OSBPL10: variants seen among roughly 807,000 people sequenced by gnomAD.
OSBPL10 encodes the protein oxysterol-binding protein-related protein 10.
OSBPL10 carries 49 observed loss-of-function variants against 81.7 expected under a neutral mutation model. That is an observed-to-expected ratio of 0.60 (90% CI 0.48 to 0.76). The LOEUF (loss-of-function observed/expected upper bound fraction) is 0.76. Among genes scored for constraint, OSBPL10 ranks in the 30% least tolerant of loss-of-function variants. The pLI, the probability that OSBPL10 is intolerant of heterozygous loss-of-function variation, is 0.00. For missense variants in OSBPL10, 923 were observed against 987.8 expected, an observed-to-expected ratio of 0.93 and a Z score of 0.88; for synonymous variants, 419 against 383.6, an observed-to-expected ratio of 1.09 and a Z score of -1.08.
At chr3:32,044,247 G>A (rs189022227) in intron 2 of OSBPL10, among the ~76,000 whole-genome samples, 208 of 151,770 alleles carry the variant, frequency 1.4e-3, no homozygotes, top group Middle Eastern at 0.01. Context: ...GGCTATTCAG[G>A]TTAAATTTTG....
At chr3:31,758,987 G>T (rs1697960169) in intron 4 of OSBPL10, among the ~76,000 whole-genome samples, 1 of 152,032 alleles carries the variant, frequency 6.6e-6, no homozygotes, top group Admixed American at 6.6e-5. Context: ...TCCAAATTAT[G>T]AACCTCATCA....
At chr3:31,879,936 C>G in intron 1 of OSBPL10, 106 bp from the exon 2 acceptor site, 1 of 1,226,334 alleles carries the variant, frequency 8.2e-7, no homozygotes, top group Non-Finnish European at 1.1e-6. Flanking sequence ...GACTCCACAT[C>G]CATGAAGCTG....
Position 31,759,929 on chromosome 3 carries a change from T to C in OSBPL10, c.730-11809A>G, listed in dbSNP as rs577419301. ...CATACACCACAACACCTGGCTAATT[T>C]TTTTGTATTTTTAGTAGAGACAGGG... is the stretch of plus-strand genomic sequence containing the variant. On this transcript the variant is annotated intron_variant, in intron 4 of 11. Transcript: ENST00000396556. Among the ~76,000 whole-genome samples, 3 of 152,172 alleles carry C rather than the reference T, an allele frequency of 2.0e-5. No homozygotes were observed. The East Asian group carries it at 5.8e-4, about 29-fold the overall frequency.
chr3:32,073,958 T>C (rs763653106), intron 1 of OSBPL10, among the ~76,000 whole-genome samples: 25 of 152,152 alleles, frequency 1.6e-4, no homozygotes, highest in Non-Finnish European at 3.1e-4. Context: ...CCCATTCTTA[T>C]GCCACTCTCT....
intron 2 of OSBPL10, among the ~76,000 whole-genome samples, chr3:32,006,335 ATTTAC>A (rs1191793675): frequency 6.6e-6 from 1 of 152,060 alleles, no homozygotes; most frequent in Non-Finnish European, 1.5e-5. Context: ...TTTCTGTTGG[ATTTAC>A]TTTAGATATT....
chr3:31,735,094 A>T (rs567655205), intron 5 of OSBPL10, among the ~76,000 whole-genome samples: 2 of 152,162 alleles, frequency 1.3e-5, no homozygotes, highest in African/African-American at 4.8e-5. Context: ...TTTATGCAAA[A>T]ATCCTTTTTT....
intron 2 of OSBPL10, among the ~76,000 whole-genome samples, chr3:32,042,147 A>G (rs1239112720): frequency 2.6e-5 from 4 of 152,174 alleles, no homozygotes; most frequent in Admixed American, 6.5e-5. Flanking sequence ...GCCTCATACA[A>G]TAATAGCCAG....
chr3:31,777,458 T>G (rs962092915), intron 4 of OSBPL10, among the ~76,000 whole-genome samples: 2 of 152,212 alleles, frequency 1.3e-5, no homozygotes, highest in Middle Eastern at 3.2e-3. Flanking sequence ...TCCCTTTCTC[T>G]GCAAGAGTGT....
chr3:31,720,278 T>C (rs930096428), intron 6 of OSBPL10, among the ~76,000 whole-genome samples: 14 of 152,104 alleles, frequency 9.2e-5, no homozygotes, highest in Non-Finnish European at 1.3e-4. Context: ...GCACGAACTG[T>C]AGAAACTGTA....
chr3:31,974,504 A>G (rs566255488), intron 1 of OSBPL10, among the ~76,000 whole-genome samples: 2 of 152,342 alleles, frequency 1.3e-5, no homozygotes, highest in Admixed American at 6.5e-5. Flanking sequence ...ATACCAACCT[A>G]CAATAGACAA....
At chr3:31,842,970 G>A (rs1173153791) in intron 3 of OSBPL10, among the ~76,000 whole-genome samples, 1 of 152,196 alleles carries the variant, frequency 6.6e-6, no homozygotes, top group African/African-American at 2.4e-5. Context: ...GTGGCTATAA[G>A]CAGCGACAAA....
At chr3:31,823,381 G>C (rs905164517) in intron 4 of OSBPL10, among the ~76,000 whole-genome samples, 2 of 152,220 alleles carry the variant, frequency 1.3e-5, no homozygotes, top group African/African-American at 4.8e-5. Flanking sequence ...GGTATCTGTG[G>C]TCTGGCACAT....
chr3:31,964,727 T>C (rs1189789458), intron 1 of OSBPL10, among the ~76,000 whole-genome samples: 3 of 152,194 alleles, frequency 2.0e-5, no homozygotes, highest in South Asian at 4.1e-4. Flanking sequence ...GAAATACTTG[T>C]GTGCTTTCAA....
rs564566711 is a variant in OSBPL10 at position 31,974,736 on chromosome 3, G to A, written c.281+6163C>T. The stretch of plus-strand genomic sequence containing the variant: ...GTTACCGTATGCGGGGAGATACTAT[G>A]AGGAAAGGGGCTGTGGGGGACAGGG... On this transcript the variant is annotated intron_variant, in intron 1 of 11. Coordinates refer to ENST00000396556, the MANE Select transcript of OSBPL10 (RefSeq NM_017784.5). Among the ~76,000 whole-genome samples, 16 of 152,328 alleles carry A rather than the reference G, an allele frequency of 1.1e-4. No individual in the cohort carries two copies. In the South Asian group the frequency reaches 2.9e-3, roughly 28 times the overall value.
rs535115398 is a variant in OSBPL10 at position 31,929,673 on chromosome 3, G to A, written c.282-49843C>T. ...TGAGGCAGGAGAATGGCGTGAACCC[G>A]GGAGGCGGAGCTTGCAGTGAGCCGA... On this transcript the variant is annotated intron_variant, in intron 1 of 11. Coordinates refer to ENST00000396556, the MANE Select transcript of OSBPL10 (RefSeq NM_017784.5). 1.9e-3 allele frequency among the ~76,000 whole-genome samples: 281 copies of A among 151,622 alleles called. 2 individuals carry two copies. The highest frequency in any genetic ancestry group is 6.5e-3 in the African/African-American group (267 of 41,312).
intron 4 of OSBPL10, among the ~76,000 whole-genome samples, chr3:31,812,810 GA>G (rs1402583191): frequency 1.9e-5 from 1 of 53,804 alleles, no homozygotes; most frequent in African/African-American, 7.9e-5. Flanking sequence ...AAGAAAGAAA[GA>G]AAGAAAGAGA....
Position 31,896,215 on chromosome 3 carries a change from T to C in OSBPL10, c.282-16385A>G, listed in dbSNP as rs79778214. On this transcript the variant is annotated intron_variant, in intron 1 of 11. Transcript: ENST00000396556. Reference sequence around the variant, plus strand: ...TGCCATCACACTAAAACCATCACACTTTGTAGAGGAAAGAGTTATTGCATC... The same window carrying C: ...TGCCATCACACTAAAACCATCACACCTTGTAGAGGAAAGAGTTATTGCATC... Among the ~76,000 whole-genome samples, 448 of 151,876 alleles carry C rather than the reference T, an allele frequency of 2.9e-3. 2 individuals are homozygous for C. The Middle Eastern group carries it at 0.031, about 10-fold the overall frequency.
intron 3 of OSBPL10, among the ~76,000 whole-genome samples, chr3:31,852,575 T>TTTTGTTTG (rs10650722): frequency 6.6e-6 from 1 of 150,996 alleles, no homozygotes; most frequent in African/African-American, 2.4e-5. Flanking sequence ...TTTTTCCTTT[T>TTTTGTTTG]TTTGTTTGTT....
chr3:31,843,419 T>C (rs1010644457), intron 3 of OSBPL10, among the ~76,000 whole-genome samples: 6 of 152,202 alleles, frequency 3.9e-5, no homozygotes, highest in African/African-American at 1.4e-4. Flanking sequence ...GCACACCTCC[T>C]GGGGTTCCTC....
Sources: allele counts gnomAD v4.1 joint callset (sites outside exome capture counted in the v4.1 genomes callset), GRCh38; gene constraint gnomAD v4.1.1; transcripts MANE v1.5; gene names NCBI Gene and HGNC (gene_info 2026-07-23, HGNC 2026-07-21).